ACSL6: variants seen among roughly 807,000 people sequenced by gnomAD.
The protein encoded by ACSL6 is acyl-CoA synthetase long chain family member 6.
Under a neutral mutation model 98.2 loss-of-function variants are expected in ACSL6, and 47 were observed. The observed-to-expected ratio is 0.48, with a 90% confidence interval of 0.38 to 0.61. ACSL6 has a LOEUF of 0.61. Among genes scored for constraint, ACSL6 ranks in the 20% least tolerant of loss-of-function variants. The pLI is 0.00. For missense variants in ACSL6, 761 were observed against 913.4 expected (o/e 0.83, Z 2.15); for synonymous variants, 362 against 336.9 (o/e 1.07, Z -0.82).
Position 131,959,507 on chromosome 5 carries a change from G to C in ACSL6, c.2031+29C>G, listed in dbSNP as rs752775862. The C allele has an allele frequency of 7.5e-6, 12 of 1,607,254 alleles. No homozygotes were observed. In the East Asian group the frequency reaches 2.7e-4, roughly 36 times the overall value. On this transcript the variant is annotated intron_variant, in intron 20 of 20. Transcript: ENST00000651883. ...AATTTTCATCACTGCCTGAAGGGTT[G>C]TAACGAGTATGGGGAAGGTAACAGT... is the stretch of plus-strand genomic sequence containing the variant.
chr5:131,962,748 C>T (rs1218335899), intron 17 of ACSL6, 70 bp from the exon 18 acceptor site: 2 of 1,568,798 alleles, frequency 1.3e-6, no homozygotes, highest in Non-Finnish European at 8.7e-7. Context: ...TCCTCAGTGC[C>T]GTAACTCCCT....
chr5:131,967,693 T>TAATAAA (rs1753090453), intron 16 of ACSL6, among the ~76,000 whole-genome samples: 2 of 147,790 alleles, frequency 1.4e-5, no homozygotes, highest in Admixed American at 1.4e-4. Flanking sequence ...ATAATAATAA[T>TAATAAA]AATAATTAAT....
rs973942326 is a variant in ACSL6 at position 132,011,252 on chromosome 5, T to G, written c.49+253A>C. Among the ~76,000 whole-genome samples the G allele has an allele frequency of 5.3e-5, 8 of 151,758 alleles. No homozygotes were observed. Among genetic ancestry groups the G allele is most frequent in the Admixed American group, 3.9e-4 (6 of 15,262 alleles). On this transcript the variant is annotated intron_variant, in intron 1 of 20. Transcript: ENST00000651883. This position sits in a 1 kb window ranked among gnomAD's most constrained non-coding sequence, Gnocchi z 5.4. Reference sequence around the variant, plus strand: ...GGGGACGCAAGAACTCGGCGGGGGTTTGTGGTGGGGTCGCAGAGAGCAAGC... The same window carrying G: ...GGGGACGCAAGAACTCGGCGGGGGTGTGTGGTGGGGTCGCAGAGAGCAAGC...
At chr5:131,977,632 G>C (rs1403727451) in intron 9 of ACSL6, among the ~76,000 whole-genome samples, 2 of 152,150 alleles carry the variant, frequency 1.3e-5, no homozygotes, top group Admixed American at 6.5e-5. Context: ...TGTTAAATTA[G>C]GTTCCACTGA....
At chr5:131,976,579 A>T in intron 10 of ACSL6, 69 bp downstream of exon 10, 1 of 1,351,202 alleles carries the variant, frequency 7.4e-7, no homozygotes, top group Non-Finnish European at 1.0e-6. Flanking sequence ...CAAACAAATA[A>T]AAAAAAATCC....
chr5:131,968,642 AG>A (rs1171553893), intron 15 of ACSL6, among the ~76,000 whole-genome samples: 1 of 152,224 alleles, frequency 6.6e-6, no homozygotes, highest in Non-Finnish European at 1.5e-5. Context: ...CATGAAAATA[AG>A]ACTCCAAATT....
intron 10 of ACSL6, 51 bp downstream of exon 10, chr5:131,976,597 C>T (rs181487535): frequency 1.4e-6 from 2 of 1,467,468 alleles, no homozygotes; most frequent in Non-Finnish European, 1.9e-6. Flanking sequence ...TCCTCTGAGG[C>T]TTGAGGTTGT....
intron 19 of ACSL6, 125 bp from the exon 20 acceptor site, chr5:131,959,732 G>C: frequency 2.4e-6 from 2 of 827,208 alleles, no homozygotes; most frequent in Middle Eastern, 2.9e-4. Flanking sequence ...CCCACAGCCC[G>C]CAACTGAGGC....
chr5:131,969,141 C>G (rs934720554), intron 15 of ACSL6, among the ~76,000 whole-genome samples: 1 of 152,224 alleles, frequency 6.6e-6, no homozygotes. Context: ...GACTTCCTTT[C>G]CAAGCCTGGG....
At chr5:131,970,305 T>C in intron 14 of ACSL6, 105 bp from the exon 15 acceptor site, 1 of 1,016,732 alleles carries the variant, frequency 9.8e-7, no homozygotes, top group Non-Finnish European at 1.5e-6. Flanking sequence ...TCTGACTGCT[T>C]CATGATCAGG....
chr5:132,011,961 C>T (rs576375099), upstream of ACSL6: 16 of 1,535,124 alleles, frequency 1.0e-5, no homozygotes, highest in Non-Finnish European at 1.4e-5. The surrounding 1 kb of genome is among the most constrained non-coding windows in gnomAD (Gnocchi z 5.4). Flanking sequence ...GGGCGACGAG[C>T]GCCAGAGCGT....
chr5:131,999,811 C>A (rs1407374945), intron 1 of ACSL6, among the ~76,000 whole-genome samples: 1 of 152,190 alleles, frequency 6.6e-6, no homozygotes, highest in Non-Finnish European at 1.5e-5. Flanking sequence ...TAACCCTCAC[C>A]CTGCCAGCGT....
At chr5:131,988,309 G>A in intron 6 of ACSL6, 83 bp from the exon 7 acceptor site, 1 of 1,506,078 alleles carries the variant, frequency 6.6e-7, no homozygotes, top group East Asian at 2.3e-5. Context: ...GCACATGCCA[G>A]GCAGCACTTC....
Position 131,973,369 on chromosome 5 carries a change from C to T in ACSL6, c.1100G>A (p.Gly367Asp). Residue 367 changes from glycine to aspartate, a missense_variant, in exon 12 of 21, where the codon GGC (glycine) becomes GAC (aspartate). Coordinates refer to ENST00000651883, the MANE Select transcript of ACSL6 (RefSeq NM_001009185.3). ...SVVYCHGGRV[G>D]FFQGDIRLLS... ...AAGGCGGATATCTCCCTGGAAGAAG[C>T]CAACACGCCCTCCGTGGCAATAGAC... 6.2e-7 allele frequency: 1 copy of T among 1,614,188 alleles called. No homozygotes were observed. The highest frequency in any genetic ancestry group is 8.5e-7 in the Non-Finnish European group (1 of 1,180,016).
intron 4 of ACSL6, among the ~76,000 whole-genome samples, chr5:131,989,768 TA>T (rs2126897636): frequency 6.6e-6 from 1 of 152,176 alleles, no homozygotes; most frequent in African/African-American, 2.4e-5. Context: ...TAATTTTTTG[TA>T]TTTTAGTAGA....
intron 9 of ACSL6, chr5:131,982,591 T>C (rs942331737): frequency 6.6e-6 from 1 of 152,422 alleles, no homozygotes; most frequent in African/African-American, 2.4e-5. Flanking sequence ...TGTCCCATCA[T>C]CTCCCTCATG....
intron 1 of ACSL6, among the ~76,000 whole-genome samples, chr5:132,005,628 C>T (rs1424366575): frequency 1.3e-5 from 2 of 152,234 alleles, no homozygotes; most frequent in Admixed American, 1.3e-4. Context: ...GCAGGATCTG[C>T]AGTCAGTATC....
At chr5:131,990,025 C>T in intron 4 of ACSL6, 75 bp downstream of exon 4, 1 of 1,497,264 alleles carries the variant, frequency 6.7e-7, no homozygotes, top group South Asian at 1.2e-5. Context: ...AGCAGGTGCC[C>T]ACATCCCTCC....
At chr5:132,003,034 CT>C (rs568822688) in intron 1 of ACSL6, among the ~76,000 whole-genome samples, 4 of 152,322 alleles carry the variant, frequency 2.6e-5, no homozygotes, top group African/African-American at 9.6e-5. Flanking sequence ...GGCATGGCTC[CT>C]TCACCTACCA....
Sources: allele counts gnomAD v4.1 joint callset (sites outside exome capture counted in the v4.1 genomes callset), GRCh38; gene constraint gnomAD v4.1.1; non-coding constraint Gnocchi (gnomAD v3.1); transcripts MANE v1.5; gene names NCBI Gene and HGNC (gene_info 2026-07-23, HGNC 2026-07-21).